The following RBFOX1 variants were observed in gnomAD, a reference collection of about 807,000 sequenced individuals.
RBFOX1 encodes RNA binding fox-1 homolog 1.
A neutral mutation model predicts 57.7 loss-of-function variants in RBFOX1; 8 were observed. That is an observed-to-expected ratio of 0.14 (90% CI 0.08 to 0.25). The LOEUF (loss-of-function observed/expected upper bound fraction) is 0.25. RBFOX1 is among the 10% of genes least tolerant of loss of function. The probability of loss-of-function intolerance (pLI) is 1.00; values close to 1 mark genes in which losing one functional copy is unlikely to be tolerated. For missense variants in RBFOX1, 611 were observed against 548.5 expected (o/e 1.11, Z -1.14); for synonymous variants, 326 against 222.4 (o/e 1.47, Z -4.15).
intron 1 of RBFOX1, among the ~76,000 whole-genome samples, chr16:6,199,663 C>G (rs992568502): frequency 6.6e-6 from 1 of 152,124 alleles, no homozygotes; most frequent in African/African-American, 2.4e-5. Context: ...TACATATTCA[C>G]CTGGTACCGT....
intron 3 of RBFOX1, among the ~76,000 whole-genome samples, chr16:6,832,651 C>T (rs1567462656): frequency 2.0e-5 from 3 of 152,126 alleles, no homozygotes; most frequent in East Asian, 1.9e-4. Flanking sequence ...TGCTGCCATG[C>T]CTGTGCACTT....
At chr16:5,516,986 G>C (rs1452471660) in intron 2 of RBFOX1, among the ~76,000 whole-genome samples, 1 of 151,334 alleles carries the variant, frequency 6.6e-6, no homozygotes, top group South Asian at 2.1e-4. Context: ...CTCTTCTCCT[G>C]ACTTTCTTCC....
chr16:7,330,388 G>GTT (rs71391623), intron 4 of RBFOX1, among the ~76,000 whole-genome samples: 1,961 of 88,104 alleles, frequency 0.022, 363 homozygotes, highest in African/African-American at 0.05. Flanking sequence ...AGGTGCAGAG[G>GTT]TTTTTTTTTT....
chr16:6,499,376 T>TAA (rs202069512), intron 2 of RBFOX1, among the ~76,000 whole-genome samples: 1 of 148,158 alleles, frequency 6.7e-6, no homozygotes, highest in Non-Finnish European at 1.5e-5. Flanking sequence ...CAGCCATGTG[T>TAA]AAAAAAAAAA....
At chr16:7,377,310 C>T (rs1368047245) in intron 4 of RBFOX1, among the ~76,000 whole-genome samples, 1 of 152,126 alleles carries the variant, frequency 6.6e-6, no homozygotes, top group Admixed American at 6.5e-5. Context: ...GTATCACCCA[C>T]GTGAGGTGGT....
intron 3 of RBFOX1, among the ~76,000 whole-genome samples, chr16:6,943,536 A>T (rs2078927936): frequency 6.6e-6 from 1 of 152,004 alleles, no homozygotes; most frequent in African/African-American, 2.4e-5. Context: ...GTGAAACCCC[A>T]TCTCTACTAA....
chr16:6,028,333 G>A (rs920744085), intron 1 of RBFOX1, among the ~76,000 whole-genome samples: 1 of 152,054 alleles, frequency 6.6e-6, no homozygotes, highest in Non-Finnish European at 1.5e-5. Context: ...AGAAAGTGCA[G>A]TAGTTTCCTT....
intron 1 of RBFOX1, among the ~76,000 whole-genome samples, chr16:5,396,335 G>A (rs1415320077): frequency 1.3e-5 from 2 of 152,080 alleles, no homozygotes; most frequent in Admixed American, 6.6e-5. Flanking sequence ...GTCAGTAGGT[G>A]GCTGAATAGA....
chr16:6,760,240 G>A (rs939742800), intron 3 of RBFOX1, among the ~76,000 whole-genome samples: 3 of 152,158 alleles, frequency 2.0e-5, no homozygotes, highest in Non-Finnish European at 4.4e-5. Flanking sequence ...CTTTAAGCAG[G>A]AAACAAATTG....
chr16:5,517,960 G>C (rs1039387663), intron 2 of RBFOX1, among the ~76,000 whole-genome samples: 1 of 151,878 alleles, frequency 6.6e-6, no homozygotes, highest in Non-Finnish European at 1.5e-5. Flanking sequence ...GTGTGTGTGT[G>C]TGTAGTGGCT....
chr16:5,341,811 C>G (rs1013913854), intron 1 of RBFOX1, among the ~76,000 whole-genome samples: 1 of 152,134 alleles, frequency 6.6e-6, no homozygotes, highest in African/African-American at 2.4e-5. Context: ...AAGGGGAACA[C>G]GGAGTTCTCT....
chr16:6,806,836 A>ATATTTTT (rs754342591), intron 3 of RBFOX1, among the ~76,000 whole-genome samples: 2 of 91,878 alleles, frequency 2.2e-5, no homozygotes, highest in South Asian at 4.0e-4. Context: ...ATATATATAT[A>ATATTTTT]TTTTTTTTTT....
chr16:7,056,261 G>T (rs370717520), intron 4 of RBFOX1, among the ~76,000 whole-genome samples: 5 of 152,048 alleles, frequency 3.3e-5, no homozygotes, highest in East Asian at 1.9e-4. Context: ...TACTTACATC[G>T]CTCGGTTGTT....
chr16:5,919,498 A>G (rs1156642767), intron 4 of RBFOX1, among the ~76,000 whole-genome samples: 1 of 151,830 alleles, frequency 6.6e-6, no homozygotes, highest in Non-Finnish European at 1.5e-5. Context: ...ATGTGCTGCC[A>G]GGCCCGGCTA....
intron 1 of RBFOX1, among the ~76,000 whole-genome samples, chr16:6,293,876 C>T (rs1239061162): frequency 9.8e-6 from 1 of 101,604 alleles, no homozygotes; most frequent in African/African-American, 3.7e-5. Context: ...TTTACACCAT[C>T]TCAGAATTCC....
intron 4 of RBFOX1, among the ~76,000 whole-genome samples, chr16:7,153,708 T>A (rs2076533040): frequency 8.1e-6 from 1 of 123,172 alleles, no homozygotes; most frequent in Non-Finnish European, 1.6e-5. Context: ...TCTAGCCTGG[T>A]GACAGTGAGA....
chr16:7,006,900 A>G (rs2153645944), intron 3 of RBFOX1, among the ~76,000 whole-genome samples: 1 of 151,396 alleles, frequency 6.6e-6, no homozygotes, highest in East Asian at 1.9e-4. Flanking sequence ...CTTTAACATC[A>G]CCTCCCCATA....
At chr16:7,154,166 C>G (rs2076636858) in intron 4 of RBFOX1, among the ~76,000 whole-genome samples, 1 of 152,180 alleles carries the variant, frequency 6.6e-6, no homozygotes, top group Non-Finnish European at 1.5e-5. Context: ...ATTTGTTGAG[C>G]ACCTATGATG....
intron 4 of RBFOX1, among the ~76,000 whole-genome samples, chr16:5,882,584 G>A (rs1036514749): frequency 8.5e-4 from 129 of 152,256 alleles, no homozygotes; most frequent in African/African-American, 3.0e-3. Context: ...GATTTGTGGT[G>A]AAACTCCATC....
Sources: allele counts gnomAD v4.1 joint callset (sites outside exome capture counted in the v4.1 genomes callset), GRCh38; gene constraint gnomAD v4.1.1; transcripts MANE v1.5; gene names NCBI Gene and HGNC (gene_info 2026-07-23, HGNC 2026-07-21).